IGF2BP3: variants seen among roughly 807,000 people sequenced by gnomAD.
The protein encoded by IGF2BP3 is insulin-like growth factor 2 mRNA-binding protein 3.
In IGF2BP3, 9 loss-of-function variants were observed where a neutral mutation model predicts 73.8. The observed-to-expected ratio is 0.12, with a 90% CI of 0.07 to 0.21. IGF2BP3 has a LOEUF of 0.21. Among genes scored for constraint, IGF2BP3 ranks in the 10% least tolerant of loss-of-function variants. The pLI, the probability that IGF2BP3 is intolerant of heterozygous loss-of-function variation, is 1.00. For missense variants in IGF2BP3, 542 were observed against 714.0 expected (o/e 0.76, Z 2.75); for synonymous variants, 258 against 256.7 (o/e 1.01, Z -0.05).
At chr7:23,431,972 C>T (rs554153923) in intron 2 of IGF2BP3, among the ~76,000 whole-genome samples, 2 of 152,134 alleles carry the variant, frequency 1.3e-5, no homozygotes, top group African/African-American at 4.8e-5. Flanking sequence ...TCATCTCAGG[C>T]AATTATTCAA....
rs933950355 is a variant in IGF2BP3, at chr7:23,378,579, T to TG, written c.286-16839_286-16838insC. ...GGCTAATTTTTGCTTGTTTTTTTTTTTTTTTTTTTTTTTGAGACAGAGTCT... is the reference window on the plus strand; with the variant it reads ...GGCTAATTTTTGCTTGTTTTTTTTTTGTTTTTTTTTTTTTGAGACAGAGTCT... On this transcript the variant is annotated intron_variant, in intron 3 of 14. Coordinates refer to ENST00000258729, the MANE Select transcript of IGF2BP3 (RefSeq NM_006547.3). Among the ~76,000 whole-genome samples the TG allele has an allele frequency of 4.4e-5, 6 of 135,248 alleles. 1 individual carries two copies. Among genetic ancestry groups the TG allele is most frequent in the African/African-American group, 1.7e-4 (6 of 34,536 alleles). The allele number at this position is 135,248 out of a possible 152,430, so 88.7% of individuals were successfully genotyped here.
intron 3 of IGF2BP3, among the ~76,000 whole-genome samples, chr7:23,370,636 TG>T (rs1438922229): frequency 2.0e-5 from 3 of 152,132 alleles, no homozygotes; most frequent in African/African-American, 4.8e-5. Flanking sequence ...ACTATTTTTT[TG>T]TTCTACAGGG....
In IGF2BP3 at chr7:23,409,150, T is replaced by C. The variant is rs140189014; in HGVS notation, c.285+9626A>G. Among the ~76,000 whole-genome samples, 271 of 152,304 alleles carry C rather than the reference T, an allele frequency of 1.8e-3. 2 individuals are homozygous for C. The highest frequency in any genetic ancestry group is 3.1e-3 in the South Asian group (15 of 4,822). ...TCAGGAGGTGAAGCTTAGGCAGTAA[T>C]GCTCGCTCACTTGCCACTCACCTCC... On this transcript the variant is annotated intron_variant, in intron 3 of 14. Coordinates refer to ENST00000258729, the MANE Select transcript of IGF2BP3 (RefSeq NM_006547.3).
chr7:23,321,709 C>G lies in IGF2BP3; in HGVS notation c.1204-2455G>C, dbSNP rs541490754. Among the ~76,000 whole-genome samples the G allele has an allele frequency of 5.3e-5, 8 of 152,324 alleles. No homozygotes were observed. The East Asian group carries it at 5.8e-4, about 11-fold the overall frequency. On this transcript the variant is annotated intron_variant, in intron 10 of 14. Coordinates refer to ENST00000258729, the MANE Select transcript of IGF2BP3 (RefSeq NM_006547.3). ...TTGAAGAGAGCAGTGGTTCTCCCAG[C>G]ACACAGCTAGAGCTCTGAGAACGGG...
chr7:23,458,305 G>C (rs901161270), intron 2 of IGF2BP3, among the ~76,000 whole-genome samples: 1 of 151,634 alleles, frequency 6.6e-6, no homozygotes, highest in Non-Finnish European at 1.5e-5. Context: ...CATCCTCCTG[G>C]CTTTTCCCTT....
chr7:23,368,151 G>A (rs1453090765), intron 3 of IGF2BP3, among the ~76,000 whole-genome samples: 4 of 152,090 alleles, frequency 2.6e-5, no homozygotes, highest in Non-Finnish European at 4.4e-5. Flanking sequence ...GAAACAACCC[G>A]AATGAATGCT....
chr7:23,439,557 A>AG (rs1554335587), intron 2 of IGF2BP3, among the ~76,000 whole-genome samples: 2 of 145,084 alleles, frequency 1.4e-5, no homozygotes, highest in Non-Finnish European at 3.0e-5. Context: ...TCCGTCTCAA[A>AG]AAAAAAAAAA....
chr7:23,452,001 T>A (rs565838834), intron 2 of IGF2BP3, among the ~76,000 whole-genome samples: 16 of 151,672 alleles, frequency 1.1e-4, no homozygotes, highest in East Asian at 1.9e-4. Flanking sequence ...CCTTTTTTTT[T>A]TTTATTTATT....
chr7:23,458,293 C>G (rs1445499466), intron 2 of IGF2BP3, among the ~76,000 whole-genome samples: 1 of 152,126 alleles, frequency 6.6e-6, no homozygotes, highest in Non-Finnish European at 1.5e-5. Context: ...CCTCATATCC[C>G]ACATCCTCCT....
intron 2 of IGF2BP3, among the ~76,000 whole-genome samples, chr7:23,454,301 G>T (rs960551995): frequency 6.6e-6 from 1 of 152,016 alleles, no homozygotes; most frequent in Admixed American, 6.6e-5. Flanking sequence ...ACATTTTAGG[G>T]ATTCTAAGAT....
chr7:23,431,844 C>CAT (rs1177138649), intron 2 of IGF2BP3, among the ~76,000 whole-genome samples: 1 of 150,970 alleles, frequency 6.6e-6, no homozygotes, highest in Non-Finnish European at 1.5e-5. Context: ...CACACACATT[C>CAT]TCTCTCTCTC....
chr7:23,452,595 A>G (rs1256912293), intron 2 of IGF2BP3, among the ~76,000 whole-genome samples: 2 of 152,072 alleles, frequency 1.3e-5, no homozygotes, highest in Non-Finnish European at 2.9e-5. Flanking sequence ...CGAGGTCAGG[A>G]GTTCAAGACC....
intron 3 of IGF2BP3, among the ~76,000 whole-genome samples, chr7:23,364,442 G>T (rs959752342): frequency 7.9e-5 from 12 of 151,114 alleles, no homozygotes; most frequent in African/African-American, 2.9e-4. Context: ...CAGCTACTTG[G>T]GAGGCCGAGG....
At chr7:23,361,854 T>A in intron 3 of IGF2BP3, 113 bp from the exon 4 acceptor site, 2 of 844,362 alleles carry the variant, frequency 2.4e-6, no homozygotes, top group Non-Finnish European at 3.7e-6. Context: ...GCCAAAAAAT[T>A]ATCTGGGGCT....
At chr7:23,316,584 A>G (rs927616865) in intron 12 of IGF2BP3, among the ~76,000 whole-genome samples, 2 of 150,102 alleles carry the variant, frequency 1.3e-5, no homozygotes, top group Non-Finnish European at 3.0e-5. Context: ...CGGAGGCAGG[A>G]GAATCGCTTG....
chr7:23,385,760 A>G (rs1361163603), intron 3 of IGF2BP3, among the ~76,000 whole-genome samples: 1 of 151,968 alleles, frequency 6.6e-6, no homozygotes, highest in African/African-American at 2.4e-5. Flanking sequence ...AAAGAGAGAC[A>G]GGGTCTCACC....
chr7:23,367,015 CAG>C (rs1028935496), intron 3 of IGF2BP3, among the ~76,000 whole-genome samples: 5 of 121,834 alleles, frequency 4.1e-5, no homozygotes, highest in Admixed American at 2.8e-4. Flanking sequence ...TTTTTAAAGA[CAG>C]AGTCTTACTG....
intron 3 of IGF2BP3, among the ~76,000 whole-genome samples, chr7:23,372,321 C>A (rs564393111): frequency 6.6e-6 from 1 of 152,072 alleles, no homozygotes; most frequent in African/African-American, 2.4e-5. Flanking sequence ...GATCTGCCCC[C>A]CCTGGCCTCC....
chr7:23,362,590 AGTAACT>A (rs1291831411), intron 3 of IGF2BP3: 1 of 152,344 alleles, frequency 6.6e-6, no homozygotes, highest in African/African-American at 2.4e-5. Context: ...CTGTTAGAAC[AGTAACT>A]GTAAGTTTAT....
Sources: gnomAD v4.1 joint callset for allele counts (sites outside exome capture counted in the v4.1 genomes callset) on GRCh38, gnomAD v4.1.1 for gene constraint, MANE v1.5 for transcripts, NCBI Gene and HGNC (gene_info 2026-07-23, HGNC 2026-07-21) for gene names.